The following ADAM10 variants were observed in gnomAD, a reference collection of about 807,000 sequenced individuals.
ADAM10 encodes ADAM metallopeptidase domain 10.
Under a neutral mutation model 90.1 loss-of-function variants are expected in ADAM10, and 17 were observed. The observed-to-expected ratio is 0.19, with a 90% CI of 0.13 to 0.28. The LOEUF is 0.28. ADAM10 is among the 10% of genes least tolerant of loss of function. The probability of loss-of-function intolerance (pLI) is 1.00; values close to 1 mark genes in which losing one functional copy is unlikely to be tolerated. For missense variants in ADAM10, 610 were observed against 914.3 expected, an observed-to-expected ratio of 0.67 and a Z score of 4.29; for synonymous variants, 310 against 298.6, an observed-to-expected ratio of 1.04 and a Z score of -0.40.
At chr15:58,602,181 G>T (rs905423183) in intron 14 of ADAM10, among the ~76,000 whole-genome samples, 1 of 152,036 alleles carries the variant, frequency 6.6e-6, no homozygotes, top group African/African-American at 2.4e-5. Flanking sequence ...ACATTATTGT[G>T]TTTTTTGGAC....
chr15:58,653,524 T>G (rs895863414), intron 5 of ADAM10, among the ~76,000 whole-genome samples: 1 of 152,204 alleles, frequency 6.6e-6, no homozygotes, highest in African/African-American at 2.4e-5. Flanking sequence ...ACTGACTGAT[T>G]TGCATACGTT....
chr15:58,719,994 C>T (rs2140819706), intron 1 of ADAM10, among the ~76,000 whole-genome samples: 1 of 152,308 alleles, frequency 6.6e-6, no homozygotes, highest in East Asian at 1.9e-4. Flanking sequence ...CTTTGCCTTT[C>T]AGACCAATAT....
Position 58,595,235 on chromosome 15 carries a change from C to T in ADAM10, c.*2312G>A, listed in dbSNP as rs567853430. 12 of 151,798 alleles carry T rather than the reference C, an allele frequency of 7.9e-5. No homozygotes were observed. The highest frequency in any genetic ancestry group is 2.7e-4 in the African/African-American group (11 of 41,424). The allele number at this position is 151,798 out of a possible 1,614,324, so 9.4% of individuals were successfully genotyped here. On this transcript the variant is annotated 3_prime_UTR_variant, in exon 16 of 16. Coordinates refer to ENST00000260408, the MANE Select transcript of ADAM10 (RefSeq NM_001110.4). ...GTTTTAAAAAGGTTTATTGTGTGTA[C>T]GCAGAGTATCTAACTGGAAATTTTC...
chr15:58,717,025 T>C (rs1368414086), intron 2 of ADAM10, among the ~76,000 whole-genome samples: 1 of 152,048 alleles, frequency 6.6e-6, no homozygotes, highest in Non-Finnish European at 1.5e-5. Flanking sequence ...GTTGAGAAGA[T>C]TAAACAAGAA....
intron 4 of ADAM10, among the ~76,000 whole-genome samples, chr15:58,669,963 A>G (rs1338974159): frequency 1.3e-5 from 2 of 152,144 alleles, no homozygotes; most frequent in Non-Finnish European, 2.9e-5. Flanking sequence ...CGGGGAGTAG[A>G]GGAGAGAAGA....
intron 2 of ADAM10, among the ~76,000 whole-genome samples, chr15:58,685,946 A>G (rs1031953703): frequency 5.3e-5 from 8 of 152,204 alleles, no homozygotes; most frequent in African/African-American, 1.7e-4. Flanking sequence ...ATGGTGGAGA[A>G]ACCATTACTG....
rs1288831395 is a variant in ADAM10, at chr15:58,749,500, G to A, written c.35C>T (p.Ser12Phe). Reference protein sequence around the residue: ...VLLRVLILLLSWAAGMGGQYG... With the variant: ...VLLRVLILLLFWAAGMGGQYG... ...CTCACCTCCCATCCCCGCCGCCCAG[G>A]AGAGGAGCAGAATTAACACTCTCAG... Residue 12 changes from serine to phenylalanine, a missense_variant, in exon 1 of 16, where the codon TCC becomes TTC. Physicochemically the swap from Ser to Phe is radical, Grantham distance 155. Coordinates refer to ENST00000260408, the MANE Select transcript of ADAM10 (RefSeq NM_001110.4). 1 of 1,554,014 alleles carries A rather than the reference G, an allele frequency of 6.4e-7. No individual in the cohort carries two copies. The highest frequency in any genetic ancestry group is 1.9e-5 in the Admixed American group (1 of 51,788).
At chr15:58,644,123 A>C (rs1896486999) in intron 6 of ADAM10, 145 bp from the exon 7 acceptor site, 1 of 663,892 alleles carries the variant, frequency 1.5e-6, no homozygotes, top group East Asian at 2.7e-5. Flanking sequence ...ACATAAATAT[A>C]AAAAAGATTA....
chr15:58,742,558 T>G (rs1381566786), intron 1 of ADAM10, among the ~76,000 whole-genome samples: 4 of 152,216 alleles, frequency 2.6e-5, no homozygotes, highest in Non-Finnish European at 5.9e-5. Context: ...CTGAGAAATA[T>G]TCTCAGCACC....
chr15:58,724,884 C>T (rs1396759274), intron 1 of ADAM10, among the ~76,000 whole-genome samples: 1 of 152,148 alleles, frequency 6.6e-6, no homozygotes, highest in East Asian at 1.9e-4. Flanking sequence ...TAACACCTTA[C>T]TAGTGGAGTG....
At chr15:58,676,959 A>G (rs573475120) in intron 4 of ADAM10, among the ~76,000 whole-genome samples, 1 of 152,340 alleles carries the variant, frequency 6.6e-6, no homozygotes, top group East Asian at 1.9e-4. Context: ...AGCCAAAAAT[A>G]TTTACTCTCT....
chr15:58,715,030 A>G (rs1276210032), intron 2 of ADAM10, among the ~76,000 whole-genome samples: 3 of 152,210 alleles, frequency 2.0e-5, no homozygotes, highest in African/African-American at 7.2e-5. Flanking sequence ...GAGTGAATAT[A>G]TAAAAATTGG....
intron 11 of ADAM10, among the ~76,000 whole-genome samples, chr15:58,619,925 G>T (rs112963976): frequency 6.6e-6 from 1 of 151,462 alleles, no homozygotes; most frequent in South Asian, 2.1e-4. Context: ...TTTAAAAAAA[G>T]GAATAGGAAG....
chr15:58,632,171 A>G (rs1896122729), intron 9 of ADAM10, among the ~76,000 whole-genome samples: 1 of 152,186 alleles, frequency 6.6e-6, no homozygotes, highest in South Asian at 2.1e-4. Context: ...TCAGTATTTC[A>G]TATTTCTGTG....
chr15:58,717,466 T>C (rs1488761415), intron 2 of ADAM10, 111 bp downstream of exon 2: 7 of 1,368,810 alleles, frequency 5.1e-6, no homozygotes, highest in Non-Finnish European at 7.1e-6. Flanking sequence ...AAATGGAATT[T>C]CCAAATGAAG....
At position 58,653,839 on chromosome 15, in the gene ADAM10, C is replaced by T. The variant is rs144814424; in HGVS notation, c.586-7635G>A. 1.0e-3 allele frequency among the ~76,000 whole-genome samples: 157 copies of T among 152,192 alleles called. 1 individual carries two copies. In the East Asian group the frequency reaches 0.023, roughly 22 times the overall value. Reference sequence around the variant, plus strand: ...GAATTCAACAGTGAAGCCACTGGGTCCCAGACTTTTCTTTACTGGAAGACT... The same window carrying T: ...GAATTCAACAGTGAAGCCACTGGGTTCCAGACTTTTCTTTACTGGAAGACT... On this transcript the variant is annotated intron_variant, in intron 5 of 15. Coordinates refer to ENST00000260408, the MANE Select transcript of ADAM10 (RefSeq NM_001110.4).
chr15:58,688,505 G>A (rs1437401063), intron 2 of ADAM10, among the ~76,000 whole-genome samples: 1 of 151,468 alleles, frequency 6.6e-6, no homozygotes, highest in Non-Finnish European at 1.5e-5. Flanking sequence ...TGACAAAGAA[G>A]AAGAAAATTA....
chr15:58,648,783 G>A (rs752996217), intron 5 of ADAM10, among the ~76,000 whole-genome samples: 1 of 151,942 alleles, frequency 6.6e-6, no homozygotes, highest in Non-Finnish European at 1.5e-5. Context: ...CAAATTAAAG[G>A]CTGCTATAAC....
intron 2 of ADAM10, among the ~76,000 whole-genome samples, chr15:58,684,747 T>C (rs1262284258): frequency 6.6e-6 from 1 of 152,062 alleles, no homozygotes; most frequent in East Asian, 1.9e-4. Flanking sequence ...TAGGAGGAGG[T>C]TGAGGGAACC....
Sources: gnomAD v4.1 joint callset for allele counts (sites outside exome capture counted in the v4.1 genomes callset) on GRCh38, gnomAD v4.1.1 for gene constraint, MANE v1.5 for transcripts, NCBI Gene and HGNC (gene_info 2026-07-23, HGNC 2026-07-21) for gene names.